Variants in PUM1 observed in about 807,000 individuals in gnomAD.
PUM1 encodes pumilio homolog 1.
In PUM1, 13 loss-of-function variants were observed where a neutral mutation model predicts 131.8. The ratio of observed to expected loss-of-function variants is 0.10; its 90% CI spans 0.06 to 0.16. The LOEUF (loss-of-function observed/expected upper bound fraction) is 0.16, where lower values mean the gene tolerates loss of function less well. Ranked by LOEUF, PUM1 falls within the 10% of genes least tolerant of loss-of-function variation. The pLI, the probability that PUM1 is intolerant of heterozygous loss-of-function variation, is 1.00. For missense variants in PUM1, 961 were observed against 1,512.4 expected, an observed-to-expected ratio of 0.64 and a Z score of 6.05; for synonymous variants, 509 against 556.5, an observed-to-expected ratio of 0.91 and a Z score of 1.20.
At chr1:31,001,503 C>T (rs1046931098) in intron 5 of PUM1, among the ~76,000 whole-genome samples, 1 of 152,160 alleles carries the variant, frequency 6.6e-6, no homozygotes. Flanking sequence ...CAGTATGGCA[C>T]AGTTGAAAGC....
chr1:31,038,964 ATATATATATATATATATATATTT>A (rs1278943873), intron 2 of PUM1, among the ~76,000 whole-genome samples: 3 of 28,132 alleles, frequency 1.1e-4, no homozygotes, highest in Non-Finnish European at 1.8e-4. Flanking sequence ...AATTTTATAT[ATATATATATATATATATATATTT>A]TTTTTTTTTT....
intron 18 of PUM1, among the ~76,000 whole-genome samples, chr1:30,942,952 C>T (rs1266877907): frequency 6.6e-6 from 1 of 152,104 alleles, no homozygotes; most frequent in Admixed American, 6.5e-5. Context: ...GACGGAGATT[C>T]GCTATGTTGC....
At chr1:31,054,665 T>C (rs1188687865) in intron 2 of PUM1, among the ~76,000 whole-genome samples, 3 of 152,026 alleles carry the variant, frequency 2.0e-5, no homozygotes, top group African/African-American at 7.2e-5. Flanking sequence ...AGAACACATA[T>C]GTAATAAAAA....
chr1:31,037,905 G>A (rs758308835), intron 2 of PUM1, among the ~76,000 whole-genome samples: 5 of 150,726 alleles, frequency 3.3e-5, no homozygotes, highest in Non-Finnish European at 5.9e-5. Context: ...GTGAAACCCC[G>A]TCTCTACTAA....
chr1:30,981,471 TCTGA>T, intron 7 of PUM1, 66 bp from the exon 8 acceptor site: 2 of 1,040,704 alleles, frequency 1.9e-6, no homozygotes, highest in Middle Eastern at 2.1e-4. Flanking sequence ...TAAAAACCTC[TCTGA>T]CTAAAAATTT....
At chr1:30,942,216 T>C (rs1639477722) in intron 18 of PUM1, 93 bp from the exon 19 acceptor site, 2 of 180,934 alleles carry the variant, frequency 1.1e-5, no homozygotes, top group South Asian at 3.6e-4. Flanking sequence ...TATATATATA[T>C]ATATATATAT....
intron 10 of PUM1, among the ~76,000 whole-genome samples, chr1:30,974,136 GT>G (rs1033868013): frequency 1.3e-5 from 2 of 151,600 alleles, no homozygotes; most frequent in African/African-American, 4.8e-5. Flanking sequence ...GAAATGACCT[GT>G]TTAAAAAAAT....
intron 16 of PUM1, among the ~76,000 whole-genome samples, chr1:30,951,617 C>CA (rs1327862791): frequency 1.3e-5 from 2 of 152,128 alleles, no homozygotes; most frequent in Admixed American, 6.5e-5. Flanking sequence ...CAATGGTAAG[C>CA]AAAAAAGTCC....
chr1:31,032,742 G>A (rs1033781658), intron 2 of PUM1, among the ~76,000 whole-genome samples: 35 of 152,168 alleles, frequency 2.3e-4, no homozygotes, highest in African/African-American at 8.2e-4. Flanking sequence ...CGGAGATGGA[G>A]GCTGCAATGA....
In PUM1 at chr1:31,065,670, C is replaced by T. The variant is rs901777318; in HGVS notation, c.-66G>A. ...CAGCCCCCCGATCTTCTCTCTCTGGCGCTCTCGCTCCCCCTTACCTTTCAC... is the reference window on the plus strand; with the variant it reads ...CAGCCCCCCGATCTTCTCTCTCTGGTGCTCTCGCTCCCCCTTACCTTTCAC... On this transcript the variant is annotated 5_prime_UTR_variant, in exon 1 of 22. Transcript: ENST00000426105. 9 of 1,549,808 alleles carry T rather than the reference C, an allele frequency of 5.8e-6. No homozygotes were observed. In the African/African-American group the frequency reaches 9.6e-5, roughly 17 times the overall value.
chr1:31,036,110 C>G lies in PUM1; in HGVS notation c.364-7246G>C, dbSNP rs896043967. On this transcript the variant is annotated intron_variant, in intron 2 of 21. Coordinates refer to ENST00000426105, the MANE Select transcript of PUM1 (RefSeq NM_001020658.2). ...TTTTTTTTTTAGTCTCACTCTGTTG[C>G]CCAGGCTGAAGTGCAGTGGCACTAT... Among the ~76,000 whole-genome samples, 4 of 151,836 alleles carry G rather than the reference C, an allele frequency of 2.6e-5. No homozygotes were observed. The East Asian group carries it at 7.7e-4, about 29-fold the overall frequency.
At chr1:31,033,090 T>C (rs181161728) in intron 2 of PUM1, among the ~76,000 whole-genome samples, 32 of 150,808 alleles carry the variant, frequency 2.1e-4, no homozygotes, top group Admixed American at 1.8e-3. Flanking sequence ...TTGACTACAG[T>C]GTAGGCTGGC....
At chr1:30,973,953 T>C (rs1003792308) in intron 10 of PUM1, among the ~76,000 whole-genome samples, 1 of 152,114 alleles carries the variant, frequency 6.6e-6, no homozygotes, top group Non-Finnish European at 1.5e-5. Context: ...CTGGGCATGG[T>C]GTAGCGTGCC....
At chr1:31,064,449 C>T (rs1644436283) in intron 1 of PUM1, among the ~76,000 whole-genome samples, 1 of 152,056 alleles carries the variant, frequency 6.6e-6, no homozygotes, top group Non-Finnish European at 1.5e-5. Context: ...GTTTATTTTG[C>T]TTACGAAAAC....
intron 3 of PUM1, among the ~76,000 whole-genome samples, chr1:31,016,997 G>C (rs1020174374): frequency 1.3e-5 from 2 of 152,124 alleles, no homozygotes; most frequent in Admixed American, 1.3e-4. Context: ...CAAGGAGATC[G>C]CAGAGTATAG....
At chr1:31,046,511 G>GTTTTTTTTTTTTTTTTTTTTTGT (rs35053733) in intron 2 of PUM1, among the ~76,000 whole-genome samples, 1 of 122,066 alleles carries the variant, frequency 8.2e-6, no homozygotes, top group Non-Finnish European at 1.7e-5. Context: ...TGTTTTTTTG[G>GTTTTTTTTTTTTTTTTTTTTTGT]TTTTTTTTTT....
chr1:31,006,091 T>A, intron 4 of PUM1, 60 bp from the exon 5 acceptor site: 1 of 1,398,322 alleles, frequency 7.2e-7, no homozygotes, highest in Non-Finnish European at 9.6e-7. Flanking sequence ...AAATTATGAG[T>A]GATGTCTCAT....
chr1:30,990,093 C>A (rs1013848614), intron 7 of PUM1, among the ~76,000 whole-genome samples: 4 of 152,186 alleles, frequency 2.6e-5, no homozygotes, highest in African/African-American at 9.7e-5. Context: ...CACGGTAGTT[C>A]TCAAAGAGTA....
At chr1:31,000,091 G>T (rs1408553458) in intron 5 of PUM1, among the ~76,000 whole-genome samples, 4 of 152,170 alleles carry the variant, frequency 2.6e-5, no homozygotes, top group Non-Finnish European at 4.4e-5. Flanking sequence ...TCCTGCAAAT[G>T]TTGTGAAAAG....
Sources: allele counts gnomAD v4.1 joint callset (sites outside exome capture counted in the v4.1 genomes callset), GRCh38; gene constraint gnomAD v4.1.1; transcripts MANE v1.5; gene names NCBI Gene and HGNC (gene_info 2026-07-23, HGNC 2026-07-21).